The following ITGA9 variants were observed in gnomAD, a reference collection of about 807,000 sequenced individuals.
ITGA9 encodes the protein integrin alpha-9.
Under a neutral mutation model 127.8 loss-of-function variants are expected in ITGA9, and 56 were observed. That is an observed-to-expected ratio of 0.44 (90% CI 0.35 to 0.55). The LOEUF (loss-of-function observed/expected upper bound fraction) is 0.55. Among genes scored for constraint, ITGA9 ranks in the 20% least tolerant of loss-of-function variants. The pLI, the probability that ITGA9 is intolerant of heterozygous loss-of-function variation, is 0.00. For missense variants in ITGA9, 1,196 were observed against 1,347.1 expected (o/e 0.89, Z 1.76); for synonymous variants, 508 against 514.5 (o/e 0.99, Z 0.17).
intron 15 of ITGA9, among the ~76,000 whole-genome samples, chr3:37,613,222 T>C (rs981453974): frequency 1.8e-4 from 27 of 152,100 alleles, no homozygotes; most frequent in African/African-American, 6.5e-4. Flanking sequence ...TGTTTGGTTT[T>C]TTGTCCTTGC....
chr3:37,559,989 A>G (rs1352683099), intron 15 of ITGA9, among the ~76,000 whole-genome samples: 2 of 152,192 alleles, frequency 1.3e-5, no homozygotes, highest in African/African-American at 4.8e-5. Flanking sequence ...TCTAGGGTAC[A>G]TGTGCACAAC....
intron 17 of ITGA9, among the ~76,000 whole-genome samples, chr3:37,675,945 T>C (rs920260840): frequency 6.6e-6 from 1 of 152,106 alleles, no homozygotes; most frequent in Non-Finnish European, 1.5e-5. Context: ...GGTTTCACCA[T>C]GTTGGCCAGG....
At chr3:37,781,833 A>C (rs941753250) in intron 25 of ITGA9, among the ~76,000 whole-genome samples, 3 of 152,220 alleles carry the variant, frequency 2.0e-5, no homozygotes, top group African/African-American at 7.2e-5. Context: ...GAGAGGATGC[A>C]GGCATCAGGG....
chr3:37,453,727 GCTCTGTATTGGA>G (rs1421415125), intron 1 of ITGA9, among the ~76,000 whole-genome samples: 1 of 152,190 alleles, frequency 6.6e-6, no homozygotes, highest in Non-Finnish European at 1.5e-5. Flanking sequence ...GAGAGTCACT[GCTCTGTATTGGA>G]CAGAGGCTGA....
At chr3:37,487,827 A>G (rs1322511080) in intron 4 of ITGA9, among the ~76,000 whole-genome samples, 3 of 152,180 alleles carry the variant, frequency 2.0e-5, no homozygotes, top group Non-Finnish European at 4.4e-5. Context: ...ATCACAGAAA[A>G]AAAAGTCATA....
intron 26 of ITGA9, among the ~76,000 whole-genome samples, chr3:37,795,976 A>T (rs1283493081): frequency 2.0e-5 from 3 of 152,128 alleles, no homozygotes; most frequent in Non-Finnish European, 4.4e-5. Flanking sequence ...GTGGCTTCTC[A>T]TTCCTCTTAA....
chr3:37,559,090 C>A (rs2125598703), intron 15 of ITGA9, among the ~76,000 whole-genome samples: 1 of 152,272 alleles, frequency 6.6e-6, no homozygotes, highest in East Asian at 1.9e-4. Flanking sequence ...GGAATAGGAC[C>A]CCCAAAACAC....
chr3:37,630,599 C>T (rs893053725), intron 16 of ITGA9, among the ~76,000 whole-genome samples: 2 of 152,132 alleles, frequency 1.3e-5, no homozygotes, highest in Non-Finnish European at 2.9e-5. Context: ...ATCCCCTCAG[C>T]TGAGGATGGT....
chr3:37,686,032 A>G (rs1700779092), intron 18 of ITGA9, among the ~76,000 whole-genome samples: 1 of 152,220 alleles, frequency 6.6e-6, no homozygotes, highest in Non-Finnish European at 1.5e-5. Flanking sequence ...CAGTTTCTAT[A>G]TTAAGTAAAA....
At chr3:37,815,711 G>C (rs992722643) in intron 27 of ITGA9, among the ~76,000 whole-genome samples, 2 of 152,046 alleles carry the variant, frequency 1.3e-5, no homozygotes, top group East Asian at 3.9e-4. Flanking sequence ...CATTAAGTCA[G>C]CAAAAAAAAT....
chr3:37,474,864 T>G (rs1446504416), intron 3 of ITGA9, among the ~76,000 whole-genome samples: 2 of 152,240 alleles, frequency 1.3e-5, no homozygotes, highest in Admixed American at 1.3e-4. Flanking sequence ...TTGTCCCCTC[T>G]CTAAGGAGCC....
intron 24 of ITGA9, among the ~76,000 whole-genome samples, chr3:37,778,872 G>GTTTTTT (rs10583231): frequency 1.9e-5 from 2 of 106,258 alleles, no homozygotes; most frequent in Admixed American, 1.0e-4. Flanking sequence ...GAAAGGTTGG[G>GTTTTTT]TTTTTTTTTT....
At chr3:37,716,634 A>G (rs1045507581) in intron 18 of ITGA9, among the ~76,000 whole-genome samples, 2 of 149,282 alleles carry the variant, frequency 1.3e-5, no homozygotes, top group South Asian at 2.2e-4. Flanking sequence ...TCTTAAGGCA[A>G]TCTCATGGCC....
chr3:37,547,017 C>T lies in ITGA9; in HGVS notation c.1689+4432C>T, dbSNP rs372355953. On this transcript the variant is annotated intron_variant, in intron 15 of 27. Transcript: ENST00000264741. The stretch of plus-strand genomic sequence containing the variant: ...GACCAGGGAAACGATGGCAACAGTT[C>T]TGAGTCTGATGCAGGGATGGCAGAG... Among the ~76,000 whole-genome samples, 67 of 152,272 alleles carry T rather than the reference C, an allele frequency of 4.4e-4. No homozygotes were observed. The South Asian group carries it at 0.013, about 30-fold the overall frequency.
At chr3:37,794,541 G>C (rs996171434) in intron 26 of ITGA9, among the ~76,000 whole-genome samples, 3 of 152,206 alleles carry the variant, frequency 2.0e-5, no homozygotes, top group African/African-American at 7.2e-5. Flanking sequence ...CAGATGTGCA[G>C]TCAAGGGGAG....
intron 22 of ITGA9, 41 bp from the exon 23 acceptor site, chr3:37,750,421 A>G (rs370914213): frequency 5.9e-6 from 7 of 1,185,090 alleles, no homozygotes; most frequent in South Asian, 3.6e-5. Context: ...GAGGTCTGCT[A>G]TTTTCCACTG....
chr3:37,684,099 A>T, intron 18 of ITGA9, 84 bp downstream of exon 18: 1 of 1,144,370 alleles, frequency 8.7e-7, no homozygotes, highest in South Asian at 1.2e-5. Flanking sequence ...ATAGGCAATG[A>T]TTCTACAAGC....
At position 37,654,190 on chromosome 3, in the gene ITGA9, CCACACACACACA is replaced by C. The variant is rs67516814; in HGVS notation, c.1916+430_1916+441del. Reference sequence around the variant, plus strand: ...AATAAAGGTTTATGCCCTCCTGCCTCCACACACACACACACACACACACACACACACACACAC... The same window carrying C: ...AATAAAGGTTTATGCCCTCCTGCCTCCACACACACACACACACACACACAC... On this transcript the variant is annotated intron_variant, in intron 17 of 27. Coordinates refer to ENST00000264741, the MANE Select transcript of ITGA9 (RefSeq NM_002207.3). Among the ~76,000 whole-genome samples the C allele has an allele frequency of 2.6e-4, 38 of 146,404 alleles. No homozygotes were observed. In the East Asian group the frequency reaches 3.0e-3, roughly 12 times the overall value.
intron 19 of ITGA9, 67 bp downstream of exon 19, chr3:37,732,865 C>A: frequency 8.0e-7 from 1 of 1,255,258 alleles, no homozygotes; most frequent in Non-Finnish European, 1.1e-6. Flanking sequence ...CCACTGATTC[C>A]GCCGCCTCCC....
Sources: gnomAD v4.1 joint callset for allele counts (sites outside exome capture counted in the v4.1 genomes callset) on GRCh38, gnomAD v4.1.1 for gene constraint, MANE v1.5 for transcripts, NCBI Gene and HGNC (gene_info 2026-07-23, HGNC 2026-07-21) for gene names.